Variants in PIK3CB observed in about 807,000 individuals in gnomAD.
The protein encoded by PIK3CB is phosphatidylinositol 4,5-bisphosphate 3-kinase catalytic subunit beta isoform.
In PIK3CB, 39 loss-of-function variants were observed where a neutral mutation model predicts 136.8. That is an observed-to-expected ratio of 0.29 (90% CI 0.22 to 0.37). The LOEUF is 0.37. Among genes scored for constraint, PIK3CB ranks in the 10% least tolerant of loss-of-function variants. The pLI is 1.00. For synonymous variants in PIK3CB, 428 were observed against 436.6 expected (o/e 0.98, Z 0.25); for missense variants, 868 against 1,275.4 (o/e 0.68, Z 4.87).
intron 17 of PIK3CB, 123 bp from the exon 18 acceptor site, chr3:138,683,910 C>A: frequency 1.6e-6 from 1 of 637,358 alleles, no homozygotes; most frequent in Admixed American, 2.6e-5. Flanking sequence ...GCAGAAGAGT[C>A]AGACTTAGAA....
chr3:138,677,875 A>C (rs1304193416), intron 19 of PIK3CB, among the ~76,000 whole-genome samples: 1 of 152,246 alleles, frequency 6.6e-6, no homozygotes, highest in Non-Finnish European at 1.5e-5. Context: ...GGCCTGGGCA[A>C]CAAGAGGGAA....
intron 1 of PIK3CB, among the ~76,000 whole-genome samples, chr3:138,831,177 C>G (rs1337278517): frequency 6.7e-6 from 1 of 150,088 alleles, no homozygotes; most frequent in Non-Finnish European, 1.5e-5. Flanking sequence ...GTCCCAGCTA[C>G]TGGGGAGGCT....
chr3:138,682,461 G>C (rs1470439819), intron 18 of PIK3CB, among the ~76,000 whole-genome samples: 4 of 152,122 alleles, frequency 2.6e-5, no homozygotes, highest in Admixed American at 6.5e-5. Context: ...TAACACATGG[G>C]TTCAGGGGTA....
intron 19 of PIK3CB, among the ~76,000 whole-genome samples, chr3:138,672,820 G>A (rs994607938): frequency 6.0e-5 from 9 of 150,984 alleles, no homozygotes. Context: ...GCTGAGGCAG[G>A]AGAATCGCTT....
At chr3:138,680,421 A>G (rs1469168495) in intron 19 of PIK3CB, among the ~76,000 whole-genome samples, 2 of 152,138 alleles carry the variant, frequency 1.3e-5, no homozygotes, top group East Asian at 3.9e-4. Context: ...AAATTACAAG[A>G]GGATGTTATA....
chr3:138,735,508 G>A (rs1329316424), intron 6 of PIK3CB, among the ~76,000 whole-genome samples: 4 of 152,136 alleles, frequency 2.6e-5, no homozygotes, highest in Admixed American at 6.6e-5. Context: ...AGCTGAATAC[G>A]TGGTTCGCAT....
intron 4 of PIK3CB, among the ~76,000 whole-genome samples, chr3:138,755,238 A>G (rs1270387874): frequency 6.6e-6 from 1 of 152,260 alleles, no homozygotes; most frequent in South Asian, 2.1e-4. Context: ...GGAGCAGTTC[A>G]TAAGAAACTA....
intron 1 of PIK3CB, among the ~76,000 whole-genome samples, chr3:138,803,935 A>G (rs2046203543): frequency 6.6e-6 from 1 of 152,210 alleles, no homozygotes; most frequent in Non-Finnish European, 1.5e-5. Context: ...GGAGGCCCAC[A>G]TCAATACATA....
intron 1 of PIK3CB, among the ~76,000 whole-genome samples, chr3:138,819,175 C>A (rs57600048): frequency 3.9e-5 from 6 of 152,034 alleles, no homozygotes; most frequent in Non-Finnish European, 8.8e-5. Flanking sequence ...GGTAAAACCC[C>A]GTCTCTACTA....
chr3:138,778,190 C>T, intron 2 of PIK3CB: 1 of 457,726 alleles, frequency 2.2e-6, no homozygotes. Flanking sequence ...ATCATCTCTG[C>T]CCCCTCTGCT....
At chr3:138,674,281 G>A (rs1177238210) in intron 19 of PIK3CB, among the ~76,000 whole-genome samples, 1 of 152,022 alleles carries the variant, frequency 6.6e-6, no homozygotes, top group Non-Finnish European at 1.5e-5. Flanking sequence ...CTTTGTGAAA[G>A]CAGAAAGTTA....
chr3:138,816,711 A>AC (rs1486507210), intron 1 of PIK3CB, among the ~76,000 whole-genome samples: 3 of 152,130 alleles, frequency 2.0e-5, no homozygotes, highest in Non-Finnish European at 2.9e-5. Flanking sequence ...CAATGAGCCT[A>AC]CCCTCACTGT....
rs1449616074 is a variant in PIK3CB, at chr3:138,654,328, A to G, written c.*1061T>C. On this transcript the variant is annotated 3_prime_UTR_variant, in exon 24 of 24. Transcript: ENST00000674063. ...CTAAATATATGGTACCTCAACAAAT[A>G]ACTTAAAGATTTCCGTGTGGCGTGA... The G allele has an allele frequency of 9.1e-6, 2 of 220,378 alleles. No individual in the cohort carries two copies. Among genetic ancestry groups the G allele is most frequent in the Non-Finnish European group, 1.8e-5 (2 of 110,146 alleles). The allele number at this position is 220,378 out of a possible 1,614,324, so 13.7% of individuals were successfully genotyped here.
rs143262171 is a variant in PIK3CB at position 138,751,185 on chromosome 3, G to A, written c.397+4569C>T. Among the ~76,000 whole-genome samples the A allele has an allele frequency of 1.1e-3, 162 of 152,190 alleles. 1 individual carries two copies. Among genetic ancestry groups the A allele is most frequent in the African/African-American group, 3.4e-3 (142 of 41,542 alleles). ...TAAATACAGAAATTTTAGGCCGGGC[G>A]CAGTAGCTCACGCCTGTAATCCTAG... On this transcript the variant is annotated intron_variant, in intron 4 of 23. Transcript: ENST00000674063.
intron 8 of PIK3CB, among the ~76,000 whole-genome samples, chr3:138,718,263 A>T (rs557108845): frequency 1.3e-5 from 2 of 152,156 alleles, no homozygotes; most frequent in Admixed American, 1.3e-4. Flanking sequence ...TTTGATTTGC[A>T]TTTCTCTAAT....
Position 138,709,458 on chromosome 3 carries a change from A to G in PIK3CB, c.1400-2169T>C, listed in dbSNP as rs116028985. On this transcript the variant is annotated intron_variant, in intron 10 of 23. Coordinates refer to ENST00000674063, the MANE Select transcript of PIK3CB (RefSeq NM_006219.3). The stretch of plus-strand genomic sequence containing the variant: ...TTTGTGTAAGTATAGGGGGAAAAAC[A>G]GGAATCGACATTTGTATTTCCTAGT... Among the ~76,000 whole-genome samples the G allele has an allele frequency of 8.5e-3, 1,302 of 152,312 alleles. 25 individuals carry two copies. Among genetic ancestry groups the G allele is most frequent in the African/African-American group, 0.028 (1,179 of 41,560 alleles).
At chr3:138,773,735 C>T (rs777468381) in intron 2 of PIK3CB, among the ~76,000 whole-genome samples, 4 of 152,050 alleles carry the variant, frequency 2.6e-5, no homozygotes, top group Non-Finnish European at 5.9e-5. Context: ...AATGTTCGAC[C>T]GTGTTTACCC....
Position 138,655,339 on chromosome 3 carries a change from A to G in PIK3CB, c.*50T>C. 6.3e-7 allele frequency: 1 copy of G among 1,590,456 alleles called. No individual in the cohort carries two copies. The highest frequency in any genetic ancestry group is 2.2e-5 in the East Asian group (1 of 44,722). On this transcript the variant is annotated 3_prime_UTR_variant, in exon 24 of 24. Coordinates refer to ENST00000674063, the MANE Select transcript of PIK3CB (RefSeq NM_006219.3). ...CATGTTCAATTTAGTGCAAGTGCAA[A>G]ATGAAAATGAAATGAAACCAACAAA... is the stretch of plus-strand genomic sequence containing the variant.
chr3:138,788,687 G>A (rs1244012349), intron 2 of PIK3CB, among the ~76,000 whole-genome samples: 3 of 144,550 alleles, frequency 2.1e-5, no homozygotes, highest in African/African-American at 5.1e-5. Context: ...AAAAGGCCAG[G>A]GGCGGTGGCT....
Sources: gnomAD v4.1 joint callset for allele counts (sites outside exome capture counted in the v4.1 genomes callset) on GRCh38, gnomAD v4.1.1 for gene constraint, MANE v1.5 for transcripts, NCBI Gene and HGNC (gene_info 2026-07-23, HGNC 2026-07-21) for gene names.